The following DCC variants were observed in gnomAD, a reference collection of about 807,000 sequenced individuals.
DCC encodes netrin receptor DCC.
Under a neutral mutation model 172.5 loss-of-function variants are expected in DCC, and 58 were observed. That is an observed-to-expected ratio of 0.34 (90% CI 0.27 to 0.42). DCC has a LOEUF of 0.42. DCC is among the 10% of genes least tolerant of loss of function. The probability of loss-of-function intolerance (pLI) is 1.00; values close to 1 mark genes in which losing one functional copy is unlikely to be tolerated. For missense variants in DCC, 1,740 were observed against 1,791.0 expected (o/e 0.97, Z 0.51); for synonymous variants, 709 against 644.5 (o/e 1.10, Z -1.52).
At chr18:52,487,313 A>C (rs1443313939) in intron 1 of DCC, among the ~76,000 whole-genome samples, 3 of 152,142 alleles carry the variant, frequency 2.0e-5, no homozygotes, top group Non-Finnish European at 4.4e-5. Flanking sequence ...TTGAAAATTA[A>C]GCAATGAGTT....
chr18:52,943,332 A>T (rs2040492072), intron 5 of DCC, among the ~76,000 whole-genome samples: 1 of 152,100 alleles, frequency 6.6e-6, no homozygotes, highest in African/African-American at 2.4e-5. Flanking sequence ...ATTGTTTTTG[A>T]AATTTTCCTT....
chr18:52,637,464 GA>G (rs895087910), intron 1 of DCC, among the ~76,000 whole-genome samples: 4 of 150,366 alleles, frequency 2.7e-5, no homozygotes, highest in African/African-American at 9.7e-5. Flanking sequence ...ATAGCCTAAA[GA>G]AAAAAAAATA....
At chr18:52,582,557 C>T (rs1000556771) in intron 1 of DCC, among the ~76,000 whole-genome samples, 1 of 152,178 alleles carries the variant, frequency 6.6e-6, no homozygotes, top group Non-Finnish European at 1.5e-5. Context: ...TGGTCACCAG[C>T]TCTAAAGCTT....
At chr18:53,201,244 G>C (rs1206400042) in intron 9 of DCC, among the ~76,000 whole-genome samples, 1 of 152,100 alleles carries the variant, frequency 6.6e-6, no homozygotes, top group Non-Finnish European at 1.5e-5. Flanking sequence ...TGCCCTTGGA[G>C]TTGGGTCATT....
rs2055677739 is a variant in DCC, at chr18:53,207,831, A to G, written c.1861+14A>G. 2.5e-6 allele frequency: 4 copies of G among 1,597,160 alleles called. No individual in the cohort carries two copies. Among genetic ancestry groups the G allele is most frequent in the Non-Finnish European group, 3.4e-6 (4 of 1,164,816 alleles). ...CACTTTCTGACGGTAAGTTAAAAAC[A>G]GTGAAACTCCTTTTACATATTTGAC... is the stretch of plus-strand genomic sequence containing the variant. On this transcript the variant is annotated intron_variant, in intron 11 of 28. Transcript: ENST00000442544.
chr18:52,776,714 A>G (rs2037441497), intron 2 of DCC, among the ~76,000 whole-genome samples: 1 of 151,284 alleles, frequency 6.6e-6, no homozygotes, highest in South Asian at 2.2e-4. Context: ...AAAAACGCAC[A>G]TACATACCAA....
At chr18:52,752,998 C>CATATATATAT (rs201753969) in intron 2 of DCC, among the ~76,000 whole-genome samples, 1 of 147,730 alleles carries the variant, frequency 6.8e-6, no homozygotes, top group African/African-American at 2.7e-5. Flanking sequence ...TACACACACA[C>CATATATATAT]ACATATATAT....
chr18:53,529,028 T>TCA (rs1204765692), intron 28 of DCC, among the ~76,000 whole-genome samples: 91 of 65,430 alleles, frequency 1.4e-3, no homozygotes, highest in African/African-American at 6.8e-3. Context: ...TCTCTCTCTC[T>TCA]CTCTCTCTCT....
In DCC at chr18:53,213,418, G is replaced by A. The variant is rs1302975003; in HGVS notation, c.1862-2130G>A. ...TAATCCCAGCACTTTGGGAGGCCGA[G>A]GCGGGTGGATCACGAGGTCAGGAGT... On this transcript the variant is annotated intron_variant, in intron 11 of 28. Transcript: ENST00000442544. 2.6e-5 allele frequency among the ~76,000 whole-genome samples: 4 copies of A among 152,050 alleles called. No individual in the cohort carries two copies. The East Asian group carries it at 5.8e-4, about 22-fold the overall frequency.
chr18:52,571,575 T>A (rs551344747), intron 1 of DCC, among the ~76,000 whole-genome samples: 127 of 152,296 alleles, frequency 8.3e-4, no homozygotes, highest in African/African-American at 2.8e-3. Context: ...GGCTTTGCAC[T>A]ACTTCCCAGT....
chr18:53,127,840 G>A (rs974239468), intron 7 of DCC, among the ~76,000 whole-genome samples: 1 of 152,060 alleles, frequency 6.6e-6, no homozygotes, highest in African/African-American at 2.4e-5. Context: ...CAAACAGTGT[G>A]CCATTCAACT....
chr18:53,468,025 G>T lies in DCC; in HGVS notation c.3736+15G>T. The T allele has an allele frequency of 8.5e-7, 1 of 1,169,832 alleles. No homozygotes were observed. Among genetic ancestry groups the T allele is most frequent in the Non-Finnish European group, 1.3e-6 (1 of 774,298 alleles). 72.5% of individuals were successfully genotyped at this position (1,169,832 alleles called of 1,614,324 possible). A position where few individuals can be genotyped will look rare whatever the true frequency, so the allele number is the denominator to read the frequency against. On this transcript the variant is annotated intron_variant, in intron 25 of 28. Coordinates refer to ENST00000442544, the MANE Select transcript of DCC (RefSeq NM_005215.4). ...CAACAATCCTGGTGAGTCAATATTGGTGCCACAATGAAGAAATGAAATGCT... is the reference window on the plus strand; with the variant it reads ...CAACAATCCTGGTGAGTCAATATTGTTGCCACAATGAAGAAATGAAATGCT...
intron 12 of DCC, among the ~76,000 whole-genome samples, chr18:53,218,513 A>G (rs2055886205): frequency 6.6e-6 from 1 of 152,156 alleles, no homozygotes; most frequent in Non-Finnish European, 1.5e-5. Context: ...TTGAAAACCC[A>G]GTATGGTAGA....
At chr18:53,056,171 A>G (rs1436385737) in intron 5 of DCC, among the ~76,000 whole-genome samples, 1 of 152,088 alleles carries the variant, frequency 6.6e-6, no homozygotes, top group African/African-American at 2.4e-5. Flanking sequence ...AAGCCTTTGG[A>G]ATCTCACAAT....
intron 8 of DCC, among the ~76,000 whole-genome samples, chr18:53,165,810 T>C (rs1265396908): frequency 6.6e-6 from 1 of 152,206 alleles, no homozygotes; most frequent in Non-Finnish European, 1.5e-5. Flanking sequence ...AAGGAGTTAA[T>C]CTTGAAAGGT....
intron 2 of DCC, among the ~76,000 whole-genome samples, chr18:52,895,428 A>G (rs941968597): frequency 1.3e-5 from 2 of 152,194 alleles, no homozygotes; most frequent in Non-Finnish European, 2.9e-5. Flanking sequence ...ACATGTCTTC[A>G]TGAAATCAAT....
chr18:53,015,693 T>A lies in DCC; in HGVS notation c.986-47612T>A, dbSNP rs537828161. Among the ~76,000 whole-genome samples, 3 of 152,222 alleles carry A rather than the reference T, an allele frequency of 2.0e-5. No homozygotes were observed. In the South Asian group the frequency reaches 6.2e-4, roughly 32 times the overall value. On this transcript the variant is annotated intron_variant, in intron 5 of 28. Transcript: ENST00000442544. ...TTTTATTGCAACTCTTCGTCTACAA[T>A]AGAGATCGATAGACTTACTTTACCA...
chr18:52,850,728 A>G (rs2145338909), intron 2 of DCC, among the ~76,000 whole-genome samples: 1 of 152,240 alleles, frequency 6.6e-6, no homozygotes, highest in African/African-American at 2.4e-5. Context: ...AAGAACTTGA[A>G]TAAAAGTAGT....
intron 1 of DCC, among the ~76,000 whole-genome samples, chr18:52,675,438 C>G (rs1036717154): frequency 2.0e-4 from 30 of 152,140 alleles, no homozygotes; most frequent in African/African-American, 6.3e-4. Context: ...GCCCCCCACA[C>G]CAACTTCAAG....
Sources: allele counts gnomAD v4.1 joint callset (sites outside exome capture counted in the v4.1 genomes callset), GRCh38; gene constraint gnomAD v4.1.1; transcripts MANE v1.5; gene names NCBI Gene and HGNC (gene_info 2026-07-23, HGNC 2026-07-21).